Variants in DPP6 observed in about 807,000 individuals in gnomAD.
DPP6 encodes the protein A-type potassium channel modulatory protein DPP6.
DPP6 carries 69 observed loss-of-function variants against 122.6 expected under a neutral mutation model. The observed-to-expected ratio is 0.56, with a 90% confidence interval of 0.46 to 0.69. The LOEUF is 0.69. Ranked by LOEUF, DPP6 falls within the 30% of genes least tolerant of loss-of-function variation. The probability of loss-of-function intolerance (pLI) is 0.00; values close to 1 mark genes in which losing one functional copy is unlikely to be tolerated. For missense variants in DPP6, 928 were observed against 1,116.9 expected, an observed-to-expected ratio of 0.83 and a Z score of 2.41; for synonymous variants, 418 against 433.1, an observed-to-expected ratio of 0.97 and a Z score of 0.43.
intron 1 of DPP6, among the ~76,000 whole-genome samples, chr7:154,220,853 C>T (rs557629923): frequency 6.6e-5 from 10 of 152,300 alleles, no homozygotes; most frequent in East Asian, 3.9e-4. Context: ...AGGGCTTTCA[C>T]GAACAAGTTT....
At chr7:154,225,769 G>A (rs4726389) in intron 1 of DPP6, among the ~76,000 whole-genome samples, 8,349 of 152,174 alleles carry the variant, frequency 0.055, 252 homozygotes, top group Middle Eastern at 0.088. Context: ...GAGGCAGGAT[G>A]TAAACATACG....
intron 5 of DPP6, among the ~76,000 whole-genome samples, chr7:154,569,546 T>C (rs776259558): frequency 1.3e-5 from 2 of 151,944 alleles, no homozygotes; most frequent in Non-Finnish European, 2.9e-5. Context: ...AACATATTCT[T>C]ATGTGTGTAT....
chr7:153,940,960 G>A (rs1415159109), intron 1 of DPP6, among the ~76,000 whole-genome samples: 1 of 152,146 alleles, frequency 6.6e-6, no homozygotes, highest in African/African-American at 2.4e-5. Context: ...TCCCATCTCT[G>A]CACATGGGAG....
chr7:153,982,671 T>C (rs1016887941), intron 1 of DPP6, among the ~76,000 whole-genome samples: 1 of 152,166 alleles, frequency 6.6e-6, no homozygotes. Context: ...TTTCCTCCTC[T>C]TCATGGATTT....
At chr7:154,368,137 A>G (rs548293126) in intron 1 of DPP6, among the ~76,000 whole-genome samples, 19 of 152,302 alleles carry the variant, frequency 1.2e-4, no homozygotes, top group Admixed American at 9.2e-4. Context: ...TGTAAGTGAA[A>G]TTCTGAAAGC....
chr7:154,531,320 G>T (rs978106459), intron 3 of DPP6, among the ~76,000 whole-genome samples: 4 of 152,150 alleles, frequency 2.6e-5, no homozygotes, highest in African/African-American at 9.7e-5. Context: ...TCAATTAATG[G>T]TTGACTTCTC....
chr7:154,132,748 T>C (rs369186653), intron 1 of DPP6, among the ~76,000 whole-genome samples: 15 of 151,784 alleles, frequency 9.9e-5, no homozygotes, highest in Admixed American at 3.3e-4. Flanking sequence ...GTGGCCCTGA[T>C]TATCTGGCTT....
intron 6 of DPP6, among the ~76,000 whole-genome samples, chr7:154,639,635 A>G (rs1392116166): frequency 6.6e-6 from 1 of 152,214 alleles, no homozygotes; most frequent in Non-Finnish European, 1.5e-5. Flanking sequence ...GAGTTTGCTG[A>G]ACAAGCTAGC....
chr7:154,536,501 C>A (rs1223830249), intron 3 of DPP6, among the ~76,000 whole-genome samples: 1 of 152,122 alleles, frequency 6.6e-6, no homozygotes, highest in Non-Finnish European at 1.5e-5. Context: ...CAGTTTCCTC[C>A]AAATGGAACT....
chr7:154,359,570 C>G (rs2151095219), intron 1 of DPP6, among the ~76,000 whole-genome samples: 1 of 152,296 alleles, frequency 6.6e-6, no homozygotes, highest in South Asian at 2.1e-4. Context: ...TTTCTCCTCA[C>G]TATCACACAA....
chr7:154,061,364 A>G (rs1801842855), intron 1 of DPP6, among the ~76,000 whole-genome samples: 1 of 147,360 alleles, frequency 6.8e-6, no homozygotes, highest in Non-Finnish European at 1.5e-5. Flanking sequence ...CGTCAGAGAG[A>G]GAAAAGATGG....
chr7:154,631,344 C>T (rs761630445), intron 5 of DPP6, among the ~76,000 whole-genome samples: 2 of 152,188 alleles, frequency 1.3e-5, no homozygotes, highest in Admixed American at 6.5e-5. Context: ...GCCTTCATCA[C>T]GTGCTGCAGG....
chr7:154,767,560 TCTC>T (rs528238388), intron 8 of DPP6, among the ~76,000 whole-genome samples: 88 of 152,208 alleles, frequency 5.8e-4, no homozygotes, highest in Admixed American at 9.8e-4. Context: ...TCCTTTGTCT[TCTC>T]CTCACTGACC....
At chr7:153,887,556 T>C (rs1489605813) in exon 1 of DPP6, 3 of 1,037,968 alleles carry the variant, frequency 2.9e-6, no homozygotes, top group Admixed American at 4.2e-5. Context: ...ACCTGGAAGA[T>C]TTTTTTTTCC....
chr7:154,637,031 G>T (rs983966959), intron 5 of DPP6, among the ~76,000 whole-genome samples: 1 of 152,146 alleles, frequency 6.6e-6, no homozygotes, highest in Non-Finnish European at 1.5e-5. Context: ...GTTCGACAAG[G>T]TCTCTACCCA....
chr7:153,878,415 GGATT>G, the DPP6 span, among the ~76,000 whole-genome samples: 4 of 151,964 alleles, frequency 2.6e-5, no homozygotes, highest in Admixed American at 6.6e-5. Flanking sequence ...ACAATAGCAT[GGATT>G]GATTATGAAA....
chr7:154,036,748 G>A (rs1799556170), intron 1 of DPP6, among the ~76,000 whole-genome samples: 1 of 151,964 alleles, frequency 6.6e-6, no homozygotes, highest in Admixed American at 6.6e-5. Flanking sequence ...TGCCGCTTTG[G>A]TAGTCACTTG....
chr7:153,964,808 TTTCC>T (rs879412213), intron 1 of DPP6, among the ~76,000 whole-genome samples: 7,124 of 60,050 alleles, frequency 0.12, 353 homozygotes, highest in East Asian at 0.39. Context: ...TTTCCTTTCC[TTTCC>T]TTTCCTTTCC....
intron 1 of DPP6, among the ~76,000 whole-genome samples, chr7:154,178,091 T>A (rs1041777936): frequency 1.3e-5 from 2 of 152,146 alleles, no homozygotes; most frequent in Non-Finnish European, 2.9e-5. Context: ...CAAAGCTGGG[T>A]CCAGATCAGG....
Sources: gnomAD v4.1 joint callset for allele counts (sites outside exome capture counted in the v4.1 genomes callset) on GRCh38, gnomAD v4.1.1 for gene constraint, MANE v1.5 for transcripts, NCBI Gene and HGNC (gene_info 2026-07-23, HGNC 2026-07-21) for gene names.